The following CUX2 variants were observed in gnomAD, a reference collection of about 807,000 sequenced individuals.
The protein encoded by CUX2 is homeobox protein cut-like 2.
Under a neutral mutation model 144.8 loss-of-function variants are expected in CUX2, and 40 were observed. The ratio of observed to expected loss-of-function variants is 0.28; its 90% confidence interval spans 0.21 to 0.36. CUX2 has a LOEUF of 0.36. CUX2 is among the 10% of genes least tolerant of loss of function. CUX2 has a pLI of 1.00. For missense variants in CUX2, 1,615 were observed against 1,994.0 expected (o/e 0.81, Z 3.62); for synonymous variants, 827 against 875.6 (o/e 0.94, Z 0.98).
intron 14 of CUX2, 25 bp downstream of exon 14, chr12:111,308,551 C>A: frequency 6.3e-7 from 1 of 1,585,678 alleles, no homozygotes; most frequent in East Asian, 2.3e-5. Context: ...TACTCTGGGG[C>A]TGAGGGCTGG....
At chr12:111,219,891 C>A (rs1565856792) in intron 3 of CUX2, among the ~76,000 whole-genome samples, 2 of 152,114 alleles carry the variant, frequency 1.3e-5, no homozygotes, top group Non-Finnish European at 2.9e-5. Flanking sequence ...CCCCTGTAAT[C>A]CCAGCACTTT....
intron 1 of CUX2, among the ~76,000 whole-genome samples, chr12:111,111,513 A>G (rs1873957983): frequency 6.6e-6 from 1 of 152,226 alleles, no homozygotes; most frequent in South Asian, 2.1e-4. Flanking sequence ...GATGTCCATC[A>G]AAGCAAAATG....
At chr12:111,223,979 A>G (rs1881992085) in intron 3 of CUX2, among the ~76,000 whole-genome samples, 1 of 152,148 alleles carries the variant, frequency 6.6e-6, no homozygotes, top group Non-Finnish European at 1.5e-5. Flanking sequence ...GTCTTTATGC[A>G]TCTGCCTAAA....
At chr12:111,250,802 G>A (rs1359371491) in intron 3 of CUX2, among the ~76,000 whole-genome samples, 2 of 152,178 alleles carry the variant, frequency 1.3e-5, no homozygotes, top group Non-Finnish European at 2.9e-5. Context: ...GGCCATGCTT[G>A]TGGCATCAGC....
chr12:111,150,895 G>A (rs1019442346), intron 1 of CUX2, among the ~76,000 whole-genome samples: 1 of 152,054 alleles, frequency 6.6e-6, no homozygotes, highest in Admixed American at 6.6e-5. Flanking sequence ...ATGGTGGGAG[G>A]GGGAAGGAAA....
intron 1 of CUX2, among the ~76,000 whole-genome samples, chr12:111,182,554 T>C (rs941906266): frequency 6.6e-6 from 1 of 152,172 alleles, no homozygotes; most frequent in African/African-American, 2.4e-5. Context: ...CATTACGCAG[T>C]TGGATGGAGA....
Position 111,349,288 on chromosome 12 carries a change from G to A in CUX2, c.*963G>A, listed in dbSNP as rs1182643221. The A allele has an allele frequency of 6.6e-6, 1 of 152,154 alleles. No individual in the cohort carries two copies. Among genetic ancestry groups the A allele is most frequent in the Non-Finnish European group, 1.5e-5 (1 of 68,034 alleles). The allele number at this position is 152,154 out of a possible 1,614,324, so 9.4% of individuals were successfully genotyped here. A position where few individuals can be genotyped will look rare whatever the true frequency, so the allele number is the denominator to read the frequency against. On this transcript the variant is annotated 3_prime_UTR_variant, in exon 22 of 22. Coordinates refer to ENST00000261726, the MANE Select transcript of CUX2 (RefSeq NM_015267.4). ...ACCCCATTTCCCGTGTGAACCATAG[G>A]CACAACCCAGGAAGTTTCCCCACTT...
At chr12:111,165,675 C>T (rs962949272) in intron 1 of CUX2, among the ~76,000 whole-genome samples, 2 of 152,124 alleles carry the variant, frequency 1.3e-5, no homozygotes, top group African/African-American at 4.8e-5. Flanking sequence ...GGAGAGTGTT[C>T]GTGCAGCAGT....
chr12:111,091,342 G>A (rs1435215431), intron 1 of CUX2, among the ~76,000 whole-genome samples: 3 of 152,170 alleles, frequency 2.0e-5, no homozygotes, highest in Admixed American at 6.5e-5. Context: ...ACTCAGCCGT[G>A]CCCTTTTCAC....
At chr12:111,162,910 A>T (rs1439941350) in intron 1 of CUX2, among the ~76,000 whole-genome samples, 1 of 152,028 alleles carries the variant, frequency 6.6e-6, no homozygotes, top group African/African-American at 2.4e-5. Context: ...GCCAGGCATG[A>T]TGGCAGGTGC....
intron 20 of CUX2, among the ~76,000 whole-genome samples, chr12:111,340,524 C>CA (rs1335141300): frequency 1.3e-5 from 2 of 152,178 alleles, no homozygotes; most frequent in African/African-American, 4.8e-5. Context: ...GCCTGGGCAA[C>CA]AGAGTGAGAT....
rs961379635 is a variant in CUX2 at position 111,190,837 on chromosome 12, C to T, written c.64-23363C>T. ...AATGCCCCGGCTTTTAATCTGTGTG[C>T]GTTGACTCCTGCCATGAAACTGACA... On this transcript the variant is annotated intron_variant, in intron 1 of 21. Coordinates refer to ENST00000261726, the MANE Select transcript of CUX2 (RefSeq NM_015267.4). The surrounding 1 kb of genome is among the most constrained non-coding windows in gnomAD (Gnocchi z 4.0). Among the ~76,000 whole-genome samples, 3 of 152,156 alleles carry T rather than the reference C, an allele frequency of 2.0e-5. No individual in the cohort carries two copies. The highest frequency in any genetic ancestry group is 4.4e-5 in the Non-Finnish European group (3 of 68,028).
chr12:111,178,480 G>A lies in CUX2; in HGVS notation c.64-35720G>A, dbSNP rs896265983. ...TGGCTCAAGGGTGGACTTATGACCC[G>A]GTCCAGCCACTCCCCCTCCCCCATT... On this transcript the variant is annotated intron_variant, in intron 1 of 21. Transcript: ENST00000261726. This position sits in a 1 kb window ranked among gnomAD's most constrained non-coding sequence, Gnocchi z 5.7. 4.6e-5 allele frequency among the ~76,000 whole-genome samples: 7 copies of A among 152,058 alleles called. No individual in the cohort carries two copies. Among genetic ancestry groups the A allele is most frequent in the African/African-American group, 7.2e-5 (3 of 41,398 alleles).
chr12:111,060,057 C>T (rs1870695941), intron 1 of CUX2, among the ~76,000 whole-genome samples: 1 of 152,048 alleles, frequency 6.6e-6, no homozygotes, highest in Non-Finnish European at 1.5e-5. Context: ...GAGTTTTGGA[C>T]CCTGAACTCT....
In CUX2 at chr12:111,172,126, T is replaced by C. The variant is rs115713963; in HGVS notation, c.64-42074T>C. Reference sequence around the variant, plus strand: ...GTGTGCATATGCTTGTGTGTGTGTGTGCATGTGCCTTTGTGTGTGCATGTG... The same window carrying C: ...GTGTGCATATGCTTGTGTGTGTGTGCGCATGTGCCTTTGTGTGTGCATGTG... On this transcript the variant is annotated intron_variant, in intron 1 of 21. Transcript: ENST00000261726. Among the ~76,000 whole-genome samples the C allele has an allele frequency of 7.4e-3, 1,122 of 152,110 alleles. 19 individuals are homozygous for C. Among genetic ancestry groups the C allele is most frequent in the African/African-American group, 0.025 (1,058 of 41,504 alleles).
rs1323135399 is a variant in CUX2 at position 111,035,704 on chromosome 12, G to T, written c.63+1464G>T. On this transcript the variant is annotated intron_variant, in intron 1 of 21. Coordinates refer to ENST00000261726, the MANE Select transcript of CUX2 (RefSeq NM_015267.4). The surrounding 1 kb of genome is among the most constrained non-coding windows in gnomAD (Gnocchi z 6.0). ...CCCGCGCCTTCTCCCCGTCCTGGCCGCTTCCCAGTCCCCGTCCTTCCGAAC... is the reference window on the plus strand; with the variant it reads ...CCCGCGCCTTCTCCCCGTCCTGGCCTCTTCCCAGTCCCCGTCCTTCCGAAC... Among the ~76,000 whole-genome samples, 4 of 150,336 alleles carry T rather than the reference G, an allele frequency of 2.7e-5. No individual in the cohort carries two copies. Among genetic ancestry groups the T allele is most frequent in the Admixed American group, 2.7e-4 (4 of 15,094 alleles).
intron 1 of CUX2, among the ~76,000 whole-genome samples, chr12:111,131,605 A>G (rs543731534): frequency 2.0e-5 from 3 of 152,352 alleles, no homozygotes; most frequent in Non-Finnish European, 2.9e-5. Context: ...TACTTCCTAG[A>G]TACAGTGGGG....
rs552342856 is a variant in CUX2 at position 111,289,016 on chromosome 12, G to A, written c.302-2402G>A. On this transcript the variant is annotated intron_variant, in intron 4 of 21. Transcript: ENST00000261726. The surrounding 1 kb of genome is among the most constrained non-coding windows in gnomAD (Gnocchi z 4.1). ...CACACACCTGGAATCCCAGCTACTC[G>A]GGAGGCTGAGTCAGGAACATAGCTT... 7.9e-5 allele frequency among the ~76,000 whole-genome samples: 12 copies of A among 152,020 alleles called. No individual in the cohort carries two copies. The highest frequency in any genetic ancestry group is 2.0e-4 in the Admixed American group (3 of 15,274).
chr12:111,320,886 C>A lies in CUX2; in HGVS notation c.2766+111C>A. The A allele has an allele frequency of 8.7e-7, 1 of 1,152,514 alleles. No homozygotes were observed. The highest frequency in any genetic ancestry group is 1.1e-6 in the Non-Finnish European group (1 of 869,964). 71.4% of individuals were successfully genotyped at this position (1,152,514 alleles called of 1,614,324 possible). On this transcript the variant is annotated intron_variant, in intron 17 of 21. Coordinates refer to ENST00000261726, the MANE Select transcript of CUX2 (RefSeq NM_015267.4). The surrounding 1 kb of genome is among the most constrained non-coding windows in gnomAD (Gnocchi z 8.1). ...CCCCAGGGGCCCAGGCCCTTCATTC[C>A]TGAGTCCTGCTGTCCCTGGGTCCCG...
Sources: allele counts gnomAD v4.1 joint callset (sites outside exome capture counted in the v4.1 genomes callset), GRCh38; gene constraint gnomAD v4.1.1; non-coding constraint Gnocchi (gnomAD v3.1); transcripts MANE v1.5; gene names NCBI Gene and HGNC (gene_info 2026-07-23, HGNC 2026-07-21).